C6: variants seen among roughly 807,000 people sequenced by gnomAD.
C6 encodes the protein complement component C6.
A neutral mutation model predicts 112.9 loss-of-function variants in C6; 101 were observed. The observed-to-expected ratio is 0.89, with a 90% CI of 0.76 to 1.06. C6 has a LOEUF of 1.06. Ranked by LOEUF, C6 falls within the 50% of genes least tolerant of loss-of-function variation. The pLI, the probability that C6 is intolerant of heterozygous loss-of-function variation, is 0.00. For synonymous variants in C6, 431 were observed against 384.1 expected (o/e 1.12, Z -1.43); for missense variants, 1,202 against 1,104.6 (o/e 1.09, Z -1.25).
intron 17 of C6, among the ~76,000 whole-genome samples, chr5:41,143,554 A>G (rs1002512655): frequency 6.6e-6 from 1 of 152,236 alleles, no homozygotes; most frequent in Non-Finnish European, 1.5e-5. Flanking sequence ...AGCACTTTAC[A>G]TGCTTTATTT....
intron 1 of C6, chr5:41,203,629 T>C: frequency 5.0e-6 from 1 of 198,456 alleles, no homozygotes; most frequent in Non-Finnish European, 1.1e-5. Flanking sequence ...CAAGTACATT[T>C]CAGCTGTTCC....
chr5:41,203,272 C>A (rs758614384), intron 1 of C6, 22 bp from the exon 2 acceptor site: 1 of 1,612,224 alleles, frequency 6.2e-7, no homozygotes, highest in African/African-American at 1.3e-5. Flanking sequence ...GAATACATAA[C>A]ACATATCAAA....
At chr5:41,186,267 C>T (rs1749762828) in intron 5 of C6, 59 bp from the exon 6 acceptor site, 1 of 1,582,794 alleles carries the variant, frequency 6.3e-7, no homozygotes, top group Admixed American at 1.7e-5. Context: ...TAAAATTTAC[C>T]TTAGTTATAT....
chr5:41,214,620 A>T (rs1752129894), upstream of C6, among the ~76,000 whole-genome samples: 1 of 152,166 alleles, frequency 6.6e-6, no homozygotes, highest in Non-Finnish European at 1.5e-5. Flanking sequence ...TAGCAGCTTC[A>T]CCCTTGATTA....
chr5:41,144,027 C>G (rs1209420951), intron 17 of C6, among the ~76,000 whole-genome samples: 1 of 152,134 alleles, frequency 6.6e-6, no homozygotes, highest in Non-Finnish European at 1.5e-5. Flanking sequence ...ACTGTTTGGC[C>G]TCAACTTCCA....
rs1747235467 is a variant in C6 at position 41,159,217 on chromosome 5, C to T, written c.1721G>A (p.Trp574Ter). Reference sequence around the variant, plus strand: ...CTTATAAGTAGCATCACAGGTACTCCAGGAAGACCAACAACCCCACTGTCC... The same window carrying T: ...CTTATAAGTAGCATCACAGGTACTCTAGGAAGACCAACAACCCCACTGTCC... ...VDGQWGCWSS[W>*]STCDATYKRS... Residue 574 changes from tryptophan (W) to a stop codon, truncating the protein, a stop_gained, in exon 12 of 18, where the codon TGG becomes TAG. Transcript: ENST00000337836. LOFTEE classifies it high-confidence loss of function. 1 of 1,613,398 alleles carries T rather than the reference C, an allele frequency of 6.2e-7. No homozygotes were observed. Among genetic ancestry groups the T allele is most frequent in the Non-Finnish European group, 8.5e-7 (1 of 1,179,686 alleles).
intron 16 of C6, 122 bp from the exon 17 acceptor site, chr5:41,149,604 T>A: frequency 7.9e-7 from 1 of 1,258,684 alleles, no homozygotes; most frequent in Non-Finnish European, 1.1e-6. Flanking sequence ...CCCACCCCAC[T>A]CCAAGCCCTG....
intron 10 of C6, 150 bp from the exon 11 acceptor site, chr5:41,160,517 C>G: frequency 1.5e-6 from 1 of 687,944 alleles, no homozygotes; most frequent in Non-Finnish European, 2.6e-6. Flanking sequence ...ACCTGTTGAA[C>G]CAGTAGGCAA....
At chr5:41,213,831 T>C (rs569986503), upstream of C6, among the ~76,000 whole-genome samples, 1 of 152,316 alleles carries the variant, frequency 6.6e-6, no homozygotes, top group African/African-American at 2.4e-5. Context: ...TTAAGAAATG[T>C]TTTTGGAGAC....
chr5:41,252,501 A>G (rs1013124572), intron 1 of C6, among the ~76,000 whole-genome samples: 2 of 152,218 alleles, frequency 1.3e-5, no homozygotes, highest in African/African-American at 2.4e-5. Context: ...CTCCAACCTG[A>G]TTCTGATATA....
chr5:41,144,757 C>T lies in C6; in HGVS notation c.2624-1751G>A, dbSNP rs1745658964. On this transcript the variant is annotated intron_variant, in intron 17 of 17. Transcript: ENST00000337836. ...CTACTCCCACTATCCACCCTCAAGTCGGCCCTGGTGTCTGTTATTTCTTTG... is the reference window on the plus strand; with the variant it reads ...CTACTCCCACTATCCACCCTCAAGTTGGCCCTGGTGTCTGTTATTTCTTTG... 4.6e-5 allele frequency among the ~76,000 whole-genome samples: 7 copies of T among 152,190 alleles called. No homozygotes were observed. The South Asian group carries it at 1.5e-3, about 32-fold the overall frequency.
At chr5:41,179,552 T>C (rs1480209182) in intron 7 of C6, among the ~76,000 whole-genome samples, 2 of 151,914 alleles carry the variant, frequency 1.3e-5, no homozygotes, top group Non-Finnish European at 2.9e-5. Flanking sequence ...GTGCTAGAGA[T>C]GTGTATTTTT....
chr5:41,194,065 C>T (rs954029395), intron 5 of C6, among the ~76,000 whole-genome samples: 1 of 152,096 alleles, frequency 6.6e-6, no homozygotes, highest in Non-Finnish European at 1.5e-5. Flanking sequence ...ATCTGTAACT[C>T]TAGAGTCTAG....
intron 6 of C6, among the ~76,000 whole-genome samples, chr5:41,185,441 G>A (rs1749692696): frequency 6.6e-6 from 1 of 152,198 alleles, no homozygotes; most frequent in East Asian, 1.9e-4. Context: ...TGTATTTTCT[G>A]TTCTTATCAC....
intron 1 of C6, among the ~76,000 whole-genome samples, chr5:41,236,019 T>A (rs1185292464): frequency 8.0e-5 from 1 of 12,572 alleles, no homozygotes; most frequent in African/African-American, 4.0e-4. Context: ...TTCTCCCATG[T>A]TGTAGGTTGC....
At chr5:41,191,067 C>CTTTTTTTTTTTTTTTTTTT (rs142519688) in intron 5 of C6, among the ~76,000 whole-genome samples, 2 of 84,756 alleles carry the variant, frequency 2.4e-5, no homozygotes, top group African/African-American at 5.0e-5. Flanking sequence ...ATGCCTTTGG[C>CTTTTTTTTTTTTTTTTTTT]TTTTTTTTTT....
intron 6 of C6, 99 bp downstream of exon 6, chr5:41,185,970 CT>C: frequency 6.9e-7 from 1 of 1,446,130 alleles, no homozygotes; most frequent in Non-Finnish European, 9.7e-7. Flanking sequence ...GGTTCACCAC[CT>C]TTTTATTCTG....
At chr5:41,215,505 A>G (rs147494268), upstream of C6, among the ~76,000 whole-genome samples, 500 of 152,252 alleles carry the variant, frequency 3.3e-3, 2 homozygotes, top group African/African-American at 0.012. Flanking sequence ...CTGCTGAAAA[A>G]CAAAGTCTGC....
At chr5:41,202,940 G>A in intron 2 of C6, 148 bp downstream of exon 2, 1 of 822,460 alleles carries the variant, frequency 1.2e-6, no homozygotes, top group Non-Finnish European at 2.1e-6. Flanking sequence ...AACCTCATAA[G>A]AGAGAGACTT....
Sources: gnomAD v4.1 joint callset for allele counts (sites outside exome capture counted in the v4.1 genomes callset) on GRCh38, gnomAD v4.1.1 for gene constraint, MANE v1.5 for transcripts, NCBI Gene and HGNC (gene_info 2026-07-23, HGNC 2026-07-21) for gene names.